Variants in LETM2 observed in about 807,000 individuals in gnomAD.
LETM2 encodes the protein LETM1 domain-containing protein LETM2, mitochondrial.
LETM2 carries 58 observed loss-of-function variants against 59.6 expected under a neutral mutation model. The observed-to-expected ratio is 0.97, with a 90% CI of 0.79 to 1.21. The LOEUF is 1.21. LETM2 is among the 50% of genes most tolerant of loss of function. The probability of loss-of-function intolerance (pLI) is 0.00; values close to 1 mark genes in which losing one functional copy is unlikely to be tolerated. For synonymous variants in LETM2, 199 were observed against 214.1 expected, an observed-to-expected ratio of 0.93 and a Z score of 0.62; for missense variants, 572 against 575.7, an observed-to-expected ratio of 0.99 and a Z score of 0.07.
At chr8:38,405,166 A>G (rs1813617030) in intron 8 of LETM2, among the ~76,000 whole-genome samples, 1 of 151,954 alleles carries the variant, frequency 6.6e-6, no homozygotes, top group South Asian at 2.1e-4. Context: ...TTTTAGACTG[A>G]ATGGTTCCTG....
chr8:38,393,145 C>T (rs1030604496), intron 3 of LETM2, 150 bp downstream of exon 3: 17 of 644,724 alleles, frequency 2.6e-5, no homozygotes, highest in Non-Finnish European at 3.2e-5. Flanking sequence ...TGTCTGCAAC[C>T]GACTTACTGT....
chr8:38,399,756 T>C (rs866713576), intron 4 of LETM2, among the ~76,000 whole-genome samples: 67 of 130,994 alleles, frequency 5.1e-4, no homozygotes, highest in African/African-American at 1.9e-3. Context: ...CCAGCCTGGG[T>C]GACAGAGCGA....
At chr8:38,406,768 T>G (rs1813753459) in intron 8 of LETM2, 178 bp from the exon 9 acceptor site, 1 of 502,046 alleles carries the variant, frequency 2.0e-6, no homozygotes, top group South Asian at 3.7e-5. Context: ...GAAATAATAC[T>G]AAGTTGCTAC....
rs1386792717 is a variant in LETM2, at chr8:38,408,431, G to A, written c.*157G>A. The A allele has an allele frequency of 1.6e-6, 1 of 622,026 alleles. No individual in the cohort carries two copies. Among genetic ancestry groups the A allele is most frequent in the South Asian group, 1.9e-5 (1 of 51,598 alleles). 38.5% of individuals were successfully genotyped at this position (622,026 alleles called of 1,614,324 possible). A position where few individuals can be genotyped will look rare whatever the true frequency, so the allele number is the denominator to read the frequency against. ...TTGAGGCCTGGTAACCATTCCAGGTGATGTGGGTAGTGAGACCAAGTTCAG... is the reference window on the plus strand; with the variant it reads ...TTGAGGCCTGGTAACCATTCCAGGTAATGTGGGTAGTGAGACCAAGTTCAG... On this transcript the variant is annotated 3_prime_UTR_variant, in exon 11 of 11. Transcript: ENST00000379957.
chr8:38,405,388 G>A (rs1813637991), intron 8 of LETM2, among the ~76,000 whole-genome samples: 1 of 152,206 alleles, frequency 6.6e-6, no homozygotes, highest in East Asian at 1.9e-4. Flanking sequence ...CTCAGAACCC[G>A]GCATGAGTAA....
rs1812749251 is a variant in LETM2, at chr8:38,397,137, G to A, written c.645+2896G>A. On this transcript the variant is annotated intron_variant, in intron 4 of 10. Coordinates refer to ENST00000379957, the MANE Select transcript of LETM2 (RefSeq NM_001286819.2). ...AGACAGCGTTGACAGCATATGGTAA[G>A]AAAGTGTGAACAAAACATTATGAGA... 8.8e-6 allele frequency: 4 copies of A among 455,934 alleles called. No individual in the cohort carries two copies. In the Middle Eastern group the frequency reaches 1.3e-3, roughly 149 times the overall value. 28.2% of individuals were successfully genotyped at this position (455,934 alleles called of 1,614,324 possible).
chr8:38,397,498 AAG>A (rs1448141750), intron 4 of LETM2, among the ~76,000 whole-genome samples: 3 of 152,232 alleles, frequency 2.0e-5, no homozygotes, highest in Non-Finnish European at 2.9e-5. Context: ...TCAGTGGCAT[AAG>A]AGAGTATGAT....
intron 4 of LETM2, chr8:38,396,873 A>C (rs1265863336): frequency 6.4e-5 from 16 of 250,162 alleles, no homozygotes; most frequent in South Asian, 6.0e-4. Flanking sequence ...AGATCAGGCC[A>C]CTGCACTGCA....
chr8:38,393,269 A>G (rs1335658138), intron 3 of LETM2: 3 of 326,326 alleles, frequency 9.2e-6, no homozygotes, highest in African/African-American at 4.2e-5. Flanking sequence ...GAATAGTTAT[A>G]ATTGTGTTTT....
chr8:38,389,837 A>G (rs928995591), intron 2 of LETM2, among the ~76,000 whole-genome samples: 1 of 151,788 alleles, frequency 6.6e-6, no homozygotes, highest in African/African-American at 2.4e-5. Context: ...CGTCTCTACT[A>G]AAAATACAAA....
Position 38,408,290 on chromosome 8 carries a change from T to C in LETM2, c.*16T>C, listed in dbSNP as rs746026219. 1 of 1,607,968 alleles carries C rather than the reference T, an allele frequency of 6.2e-7. No individual in the cohort carries two copies. Among genetic ancestry groups the C allele is most frequent in the South Asian group, 1.1e-5 (1 of 90,118 alleles). Reference sequence around the variant, plus strand: ...AGGAGCATAAAGGACTACTTGAGGATGGAGCTCACTCTCTTCAGCTTCCGG... The same window carrying C: ...AGGAGCATAAAGGACTACTTGAGGACGGAGCTCACTCTCTTCAGCTTCCGG... On this transcript the variant is annotated 3_prime_UTR_variant, in exon 11 of 11. Transcript: ENST00000379957.
intron 7 of LETM2, among the ~76,000 whole-genome samples, chr8:38,404,120 G>A (rs116530063): frequency 1.4e-3 from 207 of 152,302 alleles, no homozygotes; most frequent in African/African-American, 4.6e-3. Flanking sequence ...GAAGATACTT[G>A]ACTACTTTGA....
intron 4 of LETM2, among the ~76,000 whole-genome samples, chr8:38,397,651 A>C (rs4495394): frequency 3.9e-5 from 6 of 152,190 alleles, no homozygotes; most frequent in Non-Finnish European, 8.8e-5. Context: ...TTTCCCTTTC[A>C]CCATGGTGAA....
chr8:38,397,818 G>T (rs1812812300), intron 4 of LETM2, among the ~76,000 whole-genome samples: 1 of 152,048 alleles, frequency 6.6e-6, no homozygotes, highest in South Asian at 2.1e-4. Flanking sequence ...AGATGACAGA[G>T]AATACATTAT....
At chr8:38,395,090 T>C (rs1812582594) in intron 4 of LETM2, among the ~76,000 whole-genome samples, 1 of 152,230 alleles carries the variant, frequency 6.6e-6, no homozygotes, top group South Asian at 2.1e-4. Flanking sequence ...GTCCATTGTA[T>C]GGCTGTACCA....
chr8:38,392,051 G>T (rs750155779), intron 2 of LETM2, among the ~76,000 whole-genome samples: 20 of 152,172 alleles, frequency 1.3e-4, no homozygotes, highest in Non-Finnish European at 2.6e-4. Context: ...CTCATTTGAG[G>T]GGTTCAAAGA....
At chr8:38,398,869 G>C (rs1235741373) in intron 4 of LETM2, among the ~76,000 whole-genome samples, 1 of 151,908 alleles carries the variant, frequency 6.6e-6, no homozygotes. Context: ...ACAGGCATGT[G>C]CCACCACGCC....
At chr8:38,387,918 T>A (rs769409288) in intron 1 of LETM2, 32 bp from the exon 2 acceptor site, 36 of 841,094 alleles carry the variant, frequency 4.3e-5, no homozygotes, top group Non-Finnish European at 6.2e-5. Flanking sequence ...ATTTTTAAAC[T>A]ACTAAATTGT....
intron 4 of LETM2, among the ~76,000 whole-genome samples, chr8:38,398,522 T>A (rs1330839523): frequency 6.6e-6 from 1 of 152,184 alleles, no homozygotes; most frequent in African/African-American, 2.4e-5. Flanking sequence ...TGCTTCTATA[T>A]TAATGTGAGG....
Sources: allele counts gnomAD v4.1 joint callset (sites outside exome capture counted in the v4.1 genomes callset), GRCh38; gene constraint gnomAD v4.1.1; transcripts MANE v1.5; gene names NCBI Gene and HGNC (gene_info 2026-07-23, HGNC 2026-07-21).